The following SLC9B1 variants were observed in gnomAD, a reference collection of about 807,000 sequenced individuals.
SLC9B1 encodes the protein sodium/hydrogen exchanger 9B1.
SLC9B1 carries 32 observed loss-of-function variants against 51.7 expected under a neutral mutation model. That is an observed-to-expected ratio of 0.62 (90% CI 0.47 to 0.83). SLC9B1 has a LOEUF of 0.83. Ranked by LOEUF, SLC9B1 falls within the 40% of genes least tolerant of loss-of-function variation. The pLI is 0.00. For synonymous variants in SLC9B1, 145 were observed against 212.7 expected (o/e 0.68, Z 2.77); for missense variants, 406 against 613.2 (o/e 0.66, Z 3.57).
chr4:102,911,638 AT>A, intron 7 of SLC9B1, 101 bp from the exon 8 acceptor site: 1 of 671,448 alleles, frequency 1.5e-6, no homozygotes, highest in Non-Finnish European at 2.5e-6. Flanking sequence ...AAAAGTAAGC[AT>A]TTTATAGAAC....
chr4:102,926,373 T>G (rs1286465138), intron 7 of SLC9B1, among the ~76,000 whole-genome samples: 2 of 152,278 alleles, frequency 1.3e-5, no homozygotes. Flanking sequence ...AAAATCTCCT[T>G]AAGCTGATAA....
intron 11 of SLC9B1, among the ~76,000 whole-genome samples, chr4:102,893,450 A>G (rs113146197): frequency 0.076 from 6,799 of 89,604 alleles, no homozygotes; most frequent in Non-Finnish European, 0.081. Context: ...ATGTTAATAG[A>G]CCAGTTACAA....
intron 3 of SLC9B1, among the ~76,000 whole-genome samples, chr4:102,989,474 T>C (rs1488897815): frequency 6.6e-6 from 1 of 152,028 alleles, no homozygotes; most frequent in African/African-American, 2.4e-5. Flanking sequence ...AAAATTATAA[T>C]GTTCTTTCTA....
In SLC9B1 at chr4:102,910,390, A is replaced by G; in HGVS notation, c.1086+49T>C. The G allele has an allele frequency of 2.0e-6, 3 of 1,482,124 alleles. No individual in the cohort carries two copies. The South Asian group carries it at 4.1e-5, about 20-fold the overall frequency. The allele number at this position is 1,482,124 out of a possible 1,614,324, so 91.8% of individuals were successfully genotyped here. ...AGGGGATTTCCTAAATATATGTAAA[A>G]AATTCAGTTGTTTTAGCTTTTAAAA... is the stretch of plus-strand genomic sequence containing the variant. On this transcript the variant is annotated intron_variant, in intron 9 of 11. Transcript: ENST00000296422.
rs567682700 is a variant in SLC9B1 at position 102,902,840 on chromosome 4, C to G, written c.1333-1508G>C. 2.0e-5 allele frequency among the ~76,000 whole-genome samples: 3 copies of G among 152,274 alleles called. No individual in the cohort carries two copies. The South Asian group carries it at 6.2e-4, about 32-fold the overall frequency. On this transcript the variant is annotated intron_variant, in intron 11 of 11. Coordinates refer to ENST00000296422, the MANE Select transcript of SLC9B1 (RefSeq NM_139173.4). ...CTCTCCTAATAGCTTCATTTTTCCA[C>G]TCTAATTTTTATCAGTAACTCGAAA...
intron 3 of SLC9B1, among the ~76,000 whole-genome samples, chr4:102,988,314 T>C (rs1433371907): frequency 6.6e-6 from 1 of 152,120 alleles, no homozygotes. Flanking sequence ...GCAAACAGTA[T>C]GATATTAAAT....
intron 1 of SLC9B1, chr4:103,016,887 G>C (rs1269480577): frequency 6.6e-6 from 1 of 152,102 alleles, no homozygotes; most frequent in Non-Finnish European, 1.5e-5. Flanking sequence ...GAGCACACTT[G>C]CCCTAGGTAG....
chr4:102,899,634 G>A (rs1182427181), downstream of SLC9B1, among the ~76,000 whole-genome samples: 3 of 151,784 alleles, frequency 2.0e-5, no homozygotes, highest in African/African-American at 7.3e-5. Flanking sequence ...GGTTGGTCTC[G>A]AACTCCTGAC....
chr4:102,968,054 G>T (rs1738526025), intron 3 of SLC9B1, among the ~76,000 whole-genome samples: 1 of 152,150 alleles, frequency 6.6e-6, no homozygotes, highest in Admixed American at 6.5e-5. Context: ...AAAAAATCTT[G>T]CTAAGTAAGA....
intron 1 of SLC9B1, among the ~76,000 whole-genome samples, chr4:102,996,149 T>C (rs1740203746): frequency 6.6e-6 from 1 of 152,182 alleles, no homozygotes; most frequent in Admixed American, 6.5e-5. Flanking sequence ...ATTTCTATAA[T>C]GAGCATTTTT....
chr4:102,908,897 A>G (rs1367489535), intron 9 of SLC9B1, among the ~76,000 whole-genome samples: 1 of 152,288 alleles, frequency 6.6e-6, no homozygotes, highest in Non-Finnish European at 1.5e-5. Context: ...GTCAAAGAAG[A>G]TCATAGGTAT....
chr4:102,961,276 T>G (rs1738102998), intron 3 of SLC9B1, among the ~76,000 whole-genome samples: 1 of 152,290 alleles, frequency 6.6e-6, no homozygotes, highest in Non-Finnish European at 1.5e-5. Context: ...TTTATGAAAG[T>G]AATAGAAGAC....
At chr4:102,924,684 C>T (rs908739478) in intron 7 of SLC9B1, among the ~76,000 whole-genome samples, 1 of 152,142 alleles carries the variant, frequency 6.6e-6, no homozygotes, top group African/African-American at 2.4e-5. Flanking sequence ...TATCCAGAAT[C>T]TACAAATAAC....
chr4:102,918,794 C>T (rs1292704509), intron 7 of SLC9B1, among the ~76,000 whole-genome samples: 1 of 152,112 alleles, frequency 6.6e-6, no homozygotes, highest in Non-Finnish European at 1.5e-5. Context: ...TTCCAGAACG[C>T]AAGAAATAAA....
chr4:103,002,866 G>A (rs1191396166), intron 1 of SLC9B1, among the ~76,000 whole-genome samples: 1 of 152,128 alleles, frequency 6.6e-6, no homozygotes, highest in Non-Finnish European at 1.5e-5. Context: ...TGCCCTATAT[G>A]AAACCAAGCC....
chr4:102,987,690 TA>T (rs1739710370), intron 3 of SLC9B1, among the ~76,000 whole-genome samples: 1 of 152,122 alleles, frequency 6.6e-6, no homozygotes, highest in Admixed American at 6.6e-5. Flanking sequence ...AGGTAAAACT[TA>T]AAAAAGTGTG....
rs1383455887 is a variant in SLC9B1, at chr4:102,906,719, C to T, written c.1087-75G>A. 1.0e-5 allele frequency: 9 copies of T among 878,676 alleles called. No homozygotes were observed. In the South Asian group the frequency reaches 1.1e-4, roughly 11 times the overall value. 54.4% of individuals were successfully genotyped at this position (878,676 alleles called of 1,614,324 possible). A position where few individuals can be genotyped will look rare whatever the true frequency, so the allele number is the denominator to read the frequency against. On this transcript the variant is annotated intron_variant, in intron 9 of 11. Transcript: ENST00000296422. ...TTCAGAAACTTAAAGTCTTCCCCCC[C>T]CTTTTTTTTTTCATTTTTTAAGTAT...
intron 3 of SLC9B1, among the ~76,000 whole-genome samples, chr4:102,989,361 C>T (rs916719060): frequency 6.6e-6 from 1 of 151,950 alleles, no homozygotes; most frequent in Non-Finnish European, 1.5e-5. Context: ...CAACACTATG[C>T]TTTAAAATTG....
intron 1 of SLC9B1, among the ~76,000 whole-genome samples, chr4:102,994,153 T>C (rs7688940): frequency 6.6e-6 from 1 of 151,742 alleles, no homozygotes; most frequent in Non-Finnish European, 1.5e-5. Context: ...CCAGAAAATG[T>C]TTTTTTTTCT....
Sources: allele counts gnomAD v4.1 joint callset (sites outside exome capture counted in the v4.1 genomes callset), GRCh38; gene constraint gnomAD v4.1.1; transcripts MANE v1.5; gene names NCBI Gene and HGNC (gene_info 2026-07-23, HGNC 2026-07-21).